Variants in SPIN1 observed in about 807,000 individuals in gnomAD.
SPIN1 encodes spindlin 1, also known as spindlin-1.
SPIN1 carries 3 observed loss-of-function variants against 26.0 expected under a neutral mutation model. The ratio of observed to expected loss-of-function variants is 0.12; its 90% CI spans 0.05 to 0.30. SPIN1 has a LOEUF of 0.30. Among genes scored for constraint, SPIN1 ranks in the 10% least tolerant of loss-of-function variants. The probability of loss-of-function intolerance (pLI) is 1.00; values close to 1 mark genes in which losing one functional copy is unlikely to be tolerated. For missense variants in SPIN1, 126 were observed against 333.4 expected, an observed-to-expected ratio of 0.38 and a Z score of 4.84; for synonymous variants, 101 against 116.5, an observed-to-expected ratio of 0.87 and a Z score of 0.86.
intron 3 of SPIN1, among the ~76,000 whole-genome samples, chr9:88,455,858 G>A (rs1370805284): frequency 6.6e-6 from 1 of 151,710 alleles, no homozygotes; most frequent in Admixed American, 6.6e-5. Flanking sequence ...GCACCCTTAC[G>A]TAGTTCCAGC....
chr9:88,463,068 A>G (rs1040290171), intron 4 of SPIN1, among the ~76,000 whole-genome samples: 1 of 152,102 alleles, frequency 6.6e-6, no homozygotes, highest in African/African-American at 2.4e-5. Flanking sequence ...AATATCCTAT[A>G]TGTTAATCTC....
intron 3 of SPIN1, among the ~76,000 whole-genome samples, chr9:88,456,328 C>CT (rs747543844): frequency 2.0e-5 from 3 of 152,084 alleles, no homozygotes; most frequent in Non-Finnish European, 2.9e-5. Context: ...GACCAGAACA[C>CT]TAAGAAATTT....
chr9:88,413,241 A>T (rs566975688), intron 1 of SPIN1, among the ~76,000 whole-genome samples: 1 of 144,412 alleles, frequency 6.9e-6, no homozygotes, highest in South Asian at 2.2e-4. Flanking sequence ...TAATTTTTGT[A>T]GAGATGGGAT....
intron 1 of SPIN1, among the ~76,000 whole-genome samples, chr9:88,407,760 T>G (rs1270946982): frequency 6.8e-6 from 1 of 148,104 alleles, no homozygotes; most frequent in Non-Finnish European, 1.5e-5. Context: ...CTGGAATCTC[T>G]CTCTCTTTTT....
At chr9:88,424,262 T>A (rs1030691216) in intron 1 of SPIN1, among the ~76,000 whole-genome samples, 1 of 152,216 alleles carries the variant, frequency 6.6e-6, no homozygotes, top group African/African-American at 2.4e-5. Context: ...TAGTTCTCTT[T>A]GCTTCTGTTT....
chr9:88,396,202 G>A (rs993409645), intron 1 of SPIN1, among the ~76,000 whole-genome samples: 1 of 151,688 alleles, frequency 6.6e-6, no homozygotes, highest in Admixed American at 6.6e-5. Context: ...TCGCGCCATT[G>A]CACTTCAGCC....
chr9:88,432,117 G>A (rs939577746), intron 2 of SPIN1, among the ~76,000 whole-genome samples: 10 of 151,874 alleles, frequency 6.6e-5, no homozygotes, highest in Non-Finnish European at 1.5e-4. Context: ...TCTCTGAAAT[G>A]CATGCTACTT....
intron 1 of SPIN1, among the ~76,000 whole-genome samples, chr9:88,405,936 A>G (rs995866379): frequency 5.3e-5 from 8 of 151,776 alleles, no homozygotes; most frequent in African/African-American, 1.7e-4. Flanking sequence ...CCTGGGTTCA[A>G]GTGATCCTCA....
At chr9:88,389,857 T>C (rs1234441286) in intron 1 of SPIN1, among the ~76,000 whole-genome samples, 2 of 152,304 alleles carry the variant, frequency 1.3e-5, no homozygotes, top group Non-Finnish European at 2.9e-5. Flanking sequence ...TGAGTTTTTT[T>C]TAACACTCTT....
intron 1 of SPIN1, among the ~76,000 whole-genome samples, chr9:88,421,564 C>A (rs1461227880): frequency 6.6e-6 from 1 of 151,976 alleles, no homozygotes; most frequent in East Asian, 1.9e-4. Flanking sequence ...CAGGCATGAG[C>A]CATTGTGCCT....
rs1035092314 is a variant in SPIN1 at position 88,471,383 on chromosome 9, C to G, written c.589+2778C>G. The stretch of plus-strand genomic sequence containing the variant: ...TCCCCCATTGAATGGTTTTGGCATC[C>G]TTGTTGCGCGGTGGCTCACACCTGT... On this transcript the variant is annotated intron_variant, in intron 5 of 5. Transcript: ENST00000375859. 2.6e-5 allele frequency among the ~76,000 whole-genome samples: 4 copies of G among 151,794 alleles called. No individual in the cohort carries two copies. In the East Asian group the frequency reaches 5.8e-4, roughly 22 times the overall value.
intron 1 of SPIN1, among the ~76,000 whole-genome samples, chr9:88,394,057 C>G (rs1462174859): frequency 1.3e-5 from 2 of 152,064 alleles, no homozygotes; most frequent in East Asian, 3.9e-4. Context: ...CCTTGTTGGT[C>G]CAGCTGGTCT....
At chr9:88,410,162 AGTGT>A (rs138037814) in intron 1 of SPIN1, among the ~76,000 whole-genome samples, 3,738 of 133,022 alleles carry the variant, frequency 0.028, 84 homozygotes, top group African/African-American at 0.067. Context: ...GCATATATTT[AGTGT>A]GTGTGTGTGT....
chr9:88,411,536 C>T (rs1827442925), intron 1 of SPIN1: 1 of 641,692 alleles, frequency 1.6e-6, no homozygotes, highest in Admixed American at 2.9e-5. Flanking sequence ...TTTTTGGAGA[C>T]AGAATCTCAC....
Position 88,448,703 on chromosome 9 carries a change from C to T in SPIN1, c.53-238C>T, listed in dbSNP as rs183081682. ...ATGCAATTCTGGTTTTGTGCTTTTA[C>T]GGCTGATTTGAGGGGATAGAGAACT... On this transcript the variant is annotated intron_variant, in intron 2 of 5. Coordinates refer to ENST00000375859, the MANE Select transcript of SPIN1 (RefSeq NM_006717.3). Among the ~76,000 whole-genome samples the T allele has an allele frequency of 9.9e-5, 15 of 152,196 alleles. No individual in the cohort carries two copies. In the East Asian group the frequency reaches 2.3e-3, roughly 23 times the overall value.
At chr9:88,474,283 T>A (rs547302572) in intron 5 of SPIN1, among the ~76,000 whole-genome samples, 442 of 152,206 alleles carry the variant, frequency 2.9e-3, no homozygotes, top group African/African-American at 0.01. Flanking sequence ...GCAAACCCCC[T>A]CTCTTTTTTT....
intron 1 of SPIN1, among the ~76,000 whole-genome samples, chr9:88,408,288 A>G (rs1264559228): frequency 7.7e-6 from 1 of 129,626 alleles, no homozygotes; most frequent in African/African-American, 2.9e-5. Context: ...CTGAGAGCCC[A>G]TTTAAGCACT....
At position 88,475,729 on chromosome 9, in the gene SPIN1, T is replaced by TACACAC. The variant is rs752448476; in HGVS notation, c.*459_*464dup. ...TAATATATACACACAGATACAAGTG[T>TACACAC]ACACACACACACCACACACCACACA... On this transcript the variant is annotated 3_prime_UTR_variant, in exon 6 of 6. Coordinates refer to ENST00000375859, the MANE Select transcript of SPIN1 (RefSeq NM_006717.3). 2 of 155,262 alleles carry TACACAC rather than the reference T, an allele frequency of 1.3e-5. No homozygotes were observed. Among genetic ancestry groups the TACACAC allele is most frequent in the African/African-American group, 4.8e-5 (2 of 41,416 alleles). The allele number at this position is 155,262 out of a possible 1,614,324, so 9.6% of individuals were successfully genotyped here. A position where few individuals can be genotyped will look rare whatever the true frequency, so the allele number is the denominator to read the frequency against.
At chr9:88,397,497 C>CT (rs2117885301) in intron 1 of SPIN1, among the ~76,000 whole-genome samples, 1 of 152,166 alleles carries the variant, frequency 6.6e-6, no homozygotes, top group East Asian at 1.9e-4. Context: ...TATTCCTGGT[C>CT]TTTAGAGTTT....
Sources: allele counts gnomAD v4.1 joint callset (sites outside exome capture counted in the v4.1 genomes callset), GRCh38; gene constraint gnomAD v4.1.1; transcripts MANE v1.5; gene names NCBI Gene and HGNC (gene_info 2026-07-23, HGNC 2026-07-21).